Variants in SMYD3 observed in about 807,000 individuals in gnomAD.
SMYD3 encodes the protein histone-lysine N-methyltransferase SMYD3.
Under a neutral mutation model 57.7 loss-of-function variants are expected in SMYD3, and 36 were observed. The observed-to-expected ratio is 0.62, with a 90% CI of 0.48 to 0.82. SMYD3 has a LOEUF of 0.82. Ranked by LOEUF, SMYD3 falls within the 40% of genes least tolerant of loss-of-function variation. The probability of loss-of-function intolerance (pLI) is 0.00; values close to 1 mark genes in which losing one functional copy is unlikely to be tolerated. For missense variants in SMYD3, 515 were observed against 538.8 expected, an observed-to-expected ratio of 0.96 and a Z score of 0.44; for synonymous variants, 211 against 195.0, an observed-to-expected ratio of 1.08 and a Z score of -0.68.
chr1:246,156,861 G>A lies in SMYD3; in HGVS notation c.531+170340C>T, dbSNP rs75023968. 1.5e-3 allele frequency among the ~76,000 whole-genome samples: 231 copies of A among 152,246 alleles called. 2 individuals are homozygous for A. The highest frequency in any genetic ancestry group is 2.4e-3 in the Non-Finnish European group (163 of 68,012). ...AAAGGAAATCACAGGTAAAAAGGTC[G>A]AACAAACCGTATTTAGTGATTTGCT... On this transcript the variant is annotated intron_variant, in intron 5 of 11. Coordinates refer to ENST00000490107, the MANE Select transcript of SMYD3 (RefSeq NM_001167740.2).
chr1:245,981,690 A>G (rs577774134), intron 5 of SMYD3, among the ~76,000 whole-genome samples: 1 of 152,222 alleles, frequency 6.6e-6, no homozygotes, highest in Non-Finnish European at 1.5e-5. Flanking sequence ...GGAAACAGAA[A>G]AGCCAGACTT....
intron 8 of SMYD3, among the ~76,000 whole-genome samples, chr1:245,872,579 C>T (rs1190419990): frequency 6.6e-6 from 1 of 152,220 alleles, no homozygotes; most frequent in Non-Finnish European, 1.5e-5. Flanking sequence ...GGGCTGTGAG[C>T]CCAATCCAAA....
chr1:246,278,999 C>T (rs2064389316), intron 5 of SMYD3, among the ~76,000 whole-genome samples: 1 of 152,160 alleles, frequency 6.6e-6, no homozygotes, highest in Admixed American at 6.5e-5. Context: ...CTTCCTGACA[C>T]CATGACAGGA....
intron 10 of SMYD3, among the ~76,000 whole-genome samples, chr1:245,820,242 T>C (rs1179010782): frequency 1.3e-5 from 2 of 150,570 alleles, no homozygotes; most frequent in East Asian, 1.9e-4. Context: ...TGGTTCAATA[T>C]ACGCAAATCA....
intron 1 of SMYD3, among the ~76,000 whole-genome samples, chr1:246,481,625 T>TATATATAC (rs1459254899): frequency 2.5e-4 from 23 of 90,422 alleles, no homozygotes; most frequent in African/African-American, 1.1e-3. Flanking sequence ...CATATATACA[T>TATATATAC]ACATACATAC....
At chr1:246,135,339 G>A (rs772932330) in intron 5 of SMYD3, among the ~76,000 whole-genome samples, 1 of 152,072 alleles carries the variant, frequency 6.6e-6, no homozygotes, top group Non-Finnish European at 1.5e-5. Flanking sequence ...AATATTGTAT[G>A]ACCTAATTAA....
intron 5 of SMYD3, among the ~76,000 whole-genome samples, chr1:246,206,958 G>A (rs911601622): frequency 3.9e-5 from 6 of 152,092 alleles, no homozygotes; most frequent in Admixed American, 2.6e-4. Context: ...CTGATTCACC[G>A]AAAGTGATGG....
intron 2 of SMYD3, among the ~76,000 whole-genome samples, chr1:246,352,642 C>G (rs1158342163): frequency 6.6e-6 from 1 of 152,278 alleles, no homozygotes; most frequent in African/African-American, 2.4e-5. Flanking sequence ...GTATATCTGA[C>G]AGTGACATTG....
chr1:245,817,433 C>T (rs1265167987), intron 10 of SMYD3, among the ~76,000 whole-genome samples: 1 of 149,870 alleles, frequency 6.7e-6, no homozygotes, highest in African/African-American at 2.5e-5. Context: ...TAGATAAAAC[C>T]ACAAAGATGG....
chr1:246,354,403 C>T (rs1277996070), intron 2 of SMYD3, among the ~76,000 whole-genome samples: 1 of 152,122 alleles, frequency 6.6e-6, no homozygotes. Flanking sequence ...ATCCTTTCAA[C>T]AATCAATACA....
At chr1:245,867,624 C>T (rs1013084760) in intron 8 of SMYD3, among the ~76,000 whole-genome samples, 41 of 151,320 alleles carry the variant, frequency 2.7e-4, no homozygotes, top group South Asian at 1.5e-3. Flanking sequence ...GTGGAACACA[C>T]GGCAAGAGAA....
chr1:245,843,625 A>T (rs80021137), intron 10 of SMYD3, among the ~76,000 whole-genome samples: 5,487 of 151,716 alleles, frequency 0.036, 317 homozygotes, highest in African/African-American at 0.13. Flanking sequence ...CAGTTGTATT[A>T]CCTTAAACCA....
chr1:246,043,258 C>G (rs1234570101), intron 5 of SMYD3, among the ~76,000 whole-genome samples: 2 of 152,198 alleles, frequency 1.3e-5, no homozygotes, highest in African/African-American at 4.8e-5. Flanking sequence ...CTACCAAAGT[C>G]TCCTCATGCA....
At chr1:245,817,279 A>T (rs1179246963) in intron 10 of SMYD3, among the ~76,000 whole-genome samples, 3 of 142,780 alleles carry the variant, frequency 2.1e-5, no homozygotes, top group Admixed American at 7.1e-5. Flanking sequence ...ACCCCCCAGC[A>T]GGGGCACACT....
chr1:246,049,445 C>T (rs994259505), intron 5 of SMYD3, among the ~76,000 whole-genome samples: 13 of 149,842 alleles, frequency 8.7e-5, no homozygotes, highest in Non-Finnish European at 1.8e-4. Context: ...TACAGGCGCC[C>T]GCCACCACGC....
At chr1:245,911,251 T>A (rs915759062) in intron 8 of SMYD3, among the ~76,000 whole-genome samples, 2 of 152,034 alleles carry the variant, frequency 1.3e-5, no homozygotes, top group Non-Finnish European at 2.9e-5. Context: ...AGGGGAAGGC[T>A]CACACATTGT....
At chr1:246,361,239 C>G (rs2065981799) in intron 1 of SMYD3, among the ~76,000 whole-genome samples, 1 of 152,160 alleles carries the variant, frequency 6.6e-6, no homozygotes, top group Non-Finnish European at 1.5e-5. Context: ...ATCAAAACCA[C>G]AATGTAATAC....
At chr1:246,462,675 C>G (rs1460312831) in intron 1 of SMYD3, among the ~76,000 whole-genome samples, 1 of 152,188 alleles carries the variant, frequency 6.6e-6, no homozygotes, top group Admixed American at 6.5e-5. Context: ...GAGGGCTACA[C>G]AAACACACTA....
At chr1:246,045,418 T>G (rs992035081) in intron 5 of SMYD3, among the ~76,000 whole-genome samples, 3 of 152,156 alleles carry the variant, frequency 2.0e-5, no homozygotes, top group African/African-American at 7.2e-5. Flanking sequence ...CTGGGAAAAC[T>G]GGCTAGCCAT....
Sources: allele counts gnomAD v4.1 joint callset (sites outside exome capture counted in the v4.1 genomes callset), GRCh38; gene constraint gnomAD v4.1.1; transcripts MANE v1.5; gene names NCBI Gene and HGNC (gene_info 2026-07-23, HGNC 2026-07-21).